Variants in PTPRK observed in about 807,000 individuals in gnomAD.
The protein encoded by PTPRK is receptor-type tyrosine-protein phosphatase kappa.
Under a neutral mutation model 178.0 loss-of-function variants are expected in PTPRK, and 75 were observed. The ratio of observed to expected loss-of-function variants is 0.42; its 90% confidence interval spans 0.35 to 0.51. The LOEUF (loss-of-function observed/expected upper bound fraction) is 0.51. Among genes scored for constraint, PTPRK ranks in the 20% least tolerant of loss-of-function variants. The pLI, the probability that PTPRK is intolerant of heterozygous loss-of-function variation, is 0.02. For synonymous variants in PTPRK, 637 were observed against 620.6 expected (o/e 1.03, Z -0.39); for missense variants, 1,441 against 1,797.8 (o/e 0.80, Z 3.59).
chr6:128,503,602 C>T (rs1035566462), intron 1 of PTPRK, among the ~76,000 whole-genome samples: 3 of 152,162 alleles, frequency 2.0e-5, no homozygotes, highest in African/African-American at 7.2e-5. Flanking sequence ...ACCAAACTAA[C>T]ATGAAAGAAA....
At chr6:128,125,034 T>C (rs1448946017) in intron 7 of PTPRK, among the ~76,000 whole-genome samples, 1 of 152,204 alleles carries the variant, frequency 6.6e-6, no homozygotes. Context: ...CAGACATAAT[T>C]TCATGAGCTG....
At chr6:128,410,602 A>G (rs1842194732) in intron 1 of PTPRK, among the ~76,000 whole-genome samples, 1 of 152,214 alleles carries the variant, frequency 6.6e-6, no homozygotes, top group Admixed American at 6.5e-5. Flanking sequence ...TAACCTCCAC[A>G]ACAGGCAGTC....
In PTPRK at chr6:128,419,825, A is replaced by G. The variant is rs149258151; in HGVS notation, c.101-22137T>C. On this transcript the variant is annotated intron_variant, in intron 1 of 29. Transcript: ENST00000368226. ...TTCCCAACAAAAAAACTGTTAAGCA[A>G]TAATAGCGAGAAGAGTATCTGTTCC... Among the ~76,000 whole-genome samples, 143 of 152,322 alleles carry G rather than the reference A, an allele frequency of 9.4e-4. 1 individual carries two copies. The East Asian group carries it at 0.013, about 13-fold the overall frequency.
chr6:128,042,211 T>G (rs1777303334), intron 13 of PTPRK, among the ~76,000 whole-genome samples: 1 of 152,048 alleles, frequency 6.6e-6, no homozygotes, highest in African/African-American at 2.4e-5. Context: ...TCCAAAGTCA[T>G]TTTCATGTTT....
intron 25 of PTPRK, among the ~76,000 whole-genome samples, chr6:127,980,253 T>A (rs1009784070): frequency 4.6e-5 from 7 of 152,194 alleles, no homozygotes; most frequent in Non-Finnish European, 8.8e-5. Context: ...GAGGTTGCAG[T>A]GAGCCGAGAT....
intron 2 of PTPRK, among the ~76,000 whole-genome samples, chr6:128,336,204 T>G (rs968258213): frequency 1.3e-4 from 19 of 147,030 alleles, no homozygotes; most frequent in South Asian, 4.3e-4. Flanking sequence ...TTTTTTTTTG[T>G]TTTTTTTTGT....
chr6:128,260,564 C>G (rs1409974479), intron 3 of PTPRK, among the ~76,000 whole-genome samples: 1 of 152,130 alleles, frequency 6.6e-6, no homozygotes, highest in Non-Finnish European at 1.5e-5. Context: ...TACCGCTTTT[C>G]TAATTGGAGC....
chr6:128,385,265 C>T (rs915737734), intron 2 of PTPRK, among the ~76,000 whole-genome samples: 2 of 151,848 alleles, frequency 1.3e-5, no homozygotes, highest in Admixed American at 6.6e-5. Flanking sequence ...TCTAATCTGC[C>T]TTTGTGATTT....
chr6:128,187,007 C>T (rs530367990), intron 6 of PTPRK, among the ~76,000 whole-genome samples: 10 of 152,212 alleles, frequency 6.6e-5, no homozygotes, highest in African/African-American at 1.2e-4. Flanking sequence ...ATTCACATCT[C>T]GCTGGGGTGC....
intron 13 of PTPRK, among the ~76,000 whole-genome samples, chr6:128,031,237 A>G (rs1775278011): frequency 6.6e-6 from 1 of 152,154 alleles, no homozygotes; most frequent in Non-Finnish European, 1.5e-5. Context: ...AGTTTGGGCA[A>G]CCTAGATTTG....
intron 7 of PTPRK, among the ~76,000 whole-genome samples, chr6:128,140,929 T>G (rs184298672): frequency 0.025 from 3,876 of 152,068 alleles, 71 homozygotes; most frequent in Middle Eastern, 0.093. Context: ...AGTAGAAGAC[T>G]TTGTTCAGTA....
At chr6:128,159,250 A>C (rs1461284968) in intron 7 of PTPRK, among the ~76,000 whole-genome samples, 1 of 151,922 alleles carries the variant, frequency 6.6e-6, no homozygotes, top group Non-Finnish European at 1.5e-5. Context: ...TACATGAATA[A>C]TTCAATATTA....
chr6:128,262,652 T>C (rs760904282), intron 3 of PTPRK, among the ~76,000 whole-genome samples: 1 of 152,226 alleles, frequency 6.6e-6, no homozygotes, highest in East Asian at 1.9e-4. Context: ...CTCAGTTGCT[T>C]TGGAAAATCA....
At chr6:128,379,788 G>T (rs1449915173) in intron 2 of PTPRK, among the ~76,000 whole-genome samples, 3 of 152,180 alleles carry the variant, frequency 2.0e-5, no homozygotes, top group African/African-American at 7.2e-5. Context: ...TGGCTAGACA[G>T]AGGGAAAAAG....
intron 2 of PTPRK, among the ~76,000 whole-genome samples, chr6:128,364,912 TTAAACAGTGCTGCTA>T (rs1203082696): frequency 6.6e-6 from 1 of 152,062 alleles, no homozygotes; most frequent in Non-Finnish European, 1.5e-5. Flanking sequence ...TCTGAGCTTA[TTAAACAGTGCTGCTA>T]TAAACAGTGC....
intron 7 of PTPRK, among the ~76,000 whole-genome samples, chr6:128,126,060 C>CT (rs530118683): frequency 4.3e-4 from 63 of 145,136 alleles, no homozygotes; most frequent in South Asian, 6.6e-4. Flanking sequence ...TATTTTAAGG[C>CT]TTTTTTTTTT....
intron 5 of PTPRK, 37 bp from the exon 6 acceptor site, chr6:128,219,133 A>G: frequency 1.3e-6 from 2 of 1,540,284 alleles, no homozygotes; most frequent in Non-Finnish European, 1.8e-6. Flanking sequence ...ACAGGTTCTT[A>G]CTATTTTCAT....
intron 1 of PTPRK, among the ~76,000 whole-genome samples, chr6:128,442,539 G>A (rs971348549): frequency 1.3e-5 from 2 of 152,122 alleles, no homozygotes; most frequent in African/African-American, 4.8e-5. Context: ...CTCCTATATA[G>A]GAAACTGGCC....
At chr6:128,280,455 T>C (rs1335929372) in intron 3 of PTPRK, among the ~76,000 whole-genome samples, 1 of 152,218 alleles carries the variant, frequency 6.6e-6, no homozygotes, top group African/African-American at 2.4e-5. Context: ...AAGAAAATAC[T>C]ATTATCTAAT....
Sources: gnomAD v4.1 joint callset for allele counts (sites outside exome capture counted in the v4.1 genomes callset) on GRCh38, gnomAD v4.1.1 for gene constraint, MANE v1.5 for transcripts, NCBI Gene and HGNC (gene_info 2026-07-23, HGNC 2026-07-21) for gene names.